Variants in MGMT observed in about 807,000 individuals in gnomAD.
The protein encoded by MGMT is methylated-DNA--protein-cysteine methyltransferase.
MGMT carries 14 observed loss-of-function variants against 15.9 expected under a neutral mutation model. That is an observed-to-expected ratio of 0.88 (90% CI 0.58 to 1.37). The LOEUF is 1.37. Among genes scored for constraint, MGMT ranks in the 40% most tolerant of loss-of-function variants. The pLI, the probability that MGMT is intolerant of heterozygous loss-of-function variation, is 0.00. For synonymous variants in MGMT, 130 were observed against 118.2 expected, an observed-to-expected ratio of 1.10 and a Z score of -0.65; for missense variants, 282 against 268.1, an observed-to-expected ratio of 1.05 and a Z score of -0.36.
At chr10:129,726,864 T>A (rs111255632) in intron 3 of MGMT, among the ~76,000 whole-genome samples, 1 of 152,182 alleles carries the variant, frequency 6.6e-6, no homozygotes, top group African/African-American at 2.4e-5. Context: ...GTCCTTTCTG[T>A]CACTATAGGT....
At chr10:129,468,110 T>A (rs970711883) in intron 1 of MGMT, among the ~76,000 whole-genome samples, 7 of 152,110 alleles carry the variant, frequency 4.6e-5, no homozygotes, top group African/African-American at 1.7e-4. Context: ...AGCTGAGAAT[T>A]AGACTGGTTA....
At chr10:129,592,105 T>C (rs1195570704) in intron 2 of MGMT, among the ~76,000 whole-genome samples, 1 of 152,200 alleles carries the variant, frequency 6.6e-6, no homozygotes, top group Non-Finnish European at 1.5e-5. Context: ...AGGAAGGGTT[T>C]GCGTGTGACT....
chr10:129,468,618 G>A (rs1006009152), intron 1 of MGMT, among the ~76,000 whole-genome samples: 8 of 151,960 alleles, frequency 5.3e-5, no homozygotes, highest in Non-Finnish European at 8.8e-5. Context: ...GGCACAGTGG[G>A]TCACGCCTGT....
intron 2 of MGMT, among the ~76,000 whole-genome samples, chr10:129,548,181 C>T (rs1272702493): frequency 2.6e-5 from 4 of 152,186 alleles, no homozygotes; most frequent in Admixed American, 1.3e-4. Context: ...CTGACTCTTT[C>T]CCTTGTTCGT....
At chr10:129,677,194 A>G (rs1180586818) in intron 2 of MGMT, among the ~76,000 whole-genome samples, 2 of 151,940 alleles carry the variant, frequency 1.3e-5, no homozygotes, top group East Asian at 3.9e-4. Flanking sequence ...GACAATTTTA[A>G]TGCACATATT....
intron 3 of MGMT, among the ~76,000 whole-genome samples, chr10:129,751,672 T>A (rs1004761566): frequency 1.3e-5 from 2 of 150,704 alleles, no homozygotes; most frequent in Non-Finnish European, 3.0e-5. Flanking sequence ...AAATATTGTT[T>A]TAGCTTTGTC....
At chr10:129,687,695 GC>G (rs1166249485) in intron 2 of MGMT, among the ~76,000 whole-genome samples, 1 of 135,462 alleles carries the variant, frequency 7.4e-6, no homozygotes, top group African/African-American at 2.7e-5. Context: ...CACATGTGTA[GC>G]CCTTTTTTTT....
At chr10:129,738,866 G>A (rs1255843126) in intron 3 of MGMT, among the ~76,000 whole-genome samples, 3 of 152,104 alleles carry the variant, frequency 2.0e-5, no homozygotes, top group Non-Finnish European at 4.4e-5. Flanking sequence ...GAGAATTTTA[G>A]GCCAATATCC....
intron 2 of MGMT, among the ~76,000 whole-genome samples, chr10:129,656,039 C>A (rs1174350531): frequency 6.6e-6 from 1 of 152,236 alleles, no homozygotes; most frequent in Non-Finnish European, 1.5e-5. Flanking sequence ...AAGCTCTTCA[C>A]CGGACAACCC....
At chr10:129,615,648 G>A (rs1057001363) in intron 2 of MGMT, among the ~76,000 whole-genome samples, 4 of 152,158 alleles carry the variant, frequency 2.6e-5, no homozygotes, top group African/African-American at 9.7e-5. Flanking sequence ...TTAAGGTTTT[G>A]GTTGGCGTGG....
At chr10:129,518,325 GATACACACACATACACACACACACAC>G (rs1845762250) in intron 1 of MGMT, among the ~76,000 whole-genome samples, 1 of 88,074 alleles carries the variant, frequency 1.1e-5, no homozygotes, top group Non-Finnish European at 2.4e-5. Flanking sequence ...TGTGTGTACA[GATACACACACATACACACACACACAC>G]ACACACACAC....
chr10:129,625,329 T>C (rs1847134122), intron 2 of MGMT, among the ~76,000 whole-genome samples: 1 of 152,204 alleles, frequency 6.6e-6, no homozygotes, highest in Non-Finnish European at 1.5e-5. Context: ...TTTCAAGGAA[T>C]AGCAGAAGAG....
At chr10:129,716,699 C>A (rs1848302868) in intron 3 of MGMT, among the ~76,000 whole-genome samples, 1 of 152,148 alleles carries the variant, frequency 6.6e-6, no homozygotes, top group Non-Finnish European at 1.5e-5. Context: ...AAGAATTGGG[C>A]CTTTGATGTT....
intron 3 of MGMT, among the ~76,000 whole-genome samples, chr10:129,755,598 G>C (rs1848796709): frequency 6.6e-6 from 1 of 152,212 alleles, no homozygotes; most frequent in South Asian, 2.1e-4. Context: ...ACCACCCATG[G>C]AGCTGTGATG....
chr10:129,577,192 G>C (rs1407738875), intron 2 of MGMT, among the ~76,000 whole-genome samples: 1 of 152,180 alleles, frequency 6.6e-6, no homozygotes, highest in Non-Finnish European at 1.5e-5. Context: ...CTACTTTAAA[G>C]TTCGTATGGA....
At chr10:129,615,925 A>C (rs1345827611) in intron 2 of MGMT, among the ~76,000 whole-genome samples, 2 of 152,136 alleles carry the variant, frequency 1.3e-5, no homozygotes, top group Non-Finnish European at 2.9e-5. Flanking sequence ...TCCTTCCCCA[A>C]GCTGGGGAGC....
chr10:129,617,714 C>T (rs1212701769), intron 2 of MGMT, among the ~76,000 whole-genome samples: 1 of 152,092 alleles, frequency 6.6e-6, no homozygotes, highest in African/African-American at 2.4e-5. Context: ...TGCTTGTTGG[C>T]CATATGTATG....
At chr10:129,488,012 C>T (rs1255862053) in intron 1 of MGMT, among the ~76,000 whole-genome samples, 29 of 123,754 alleles carry the variant, frequency 2.3e-4, no homozygotes, top group African/African-American at 5.9e-4. Flanking sequence ...TATACACACA[C>T]ACACACACAC....
chr10:129,467,533 G>A (rs1845182573), intron 1 of MGMT: 4 of 714,958 alleles, frequency 5.6e-6, no homozygotes, highest in African/African-American at 3.8e-5. Flanking sequence ...GTGGACTGGC[G>A]TGTGGCGGGG....
Sources: allele counts gnomAD v4.1 joint callset (sites outside exome capture counted in the v4.1 genomes callset), GRCh38; gene constraint gnomAD v4.1.1; transcripts MANE v1.5; gene names NCBI Gene and HGNC (gene_info 2026-07-23, HGNC 2026-07-21).